The following CPVL variants were observed in gnomAD, a reference collection of about 807,000 sequenced individuals.
The protein encoded by CPVL is carboxypeptidase vitellogenic like.
CPVL carries 51 observed loss-of-function variants against 63.7 expected under a neutral mutation model. The observed-to-expected ratio is 0.80, with a 90% CI of 0.64 to 1.01. CPVL has a LOEUF of 1.01. Among genes scored for constraint, CPVL ranks in the 50% least tolerant of loss-of-function variants. The pLI, the probability that CPVL is intolerant of heterozygous loss-of-function variation, is 0.00. For missense variants in CPVL, 530 were observed against 573.1 expected (o/e 0.92, Z 0.77); for synonymous variants, 195 against 206.0 (o/e 0.95, Z 0.46).
chr7:29,145,538 A>G (rs953356093), intron 1 of CPVL, among the ~76,000 whole-genome samples: 1 of 138,396 alleles, frequency 7.2e-6, no homozygotes, highest in Admixed American at 7.3e-5. Flanking sequence ...CACAGTCATT[A>G]TATGGCCAGA....
intron 1 of CPVL, among the ~76,000 whole-genome samples, chr7:29,143,454 C>T (rs1412612473): frequency 6.6e-6 from 1 of 152,142 alleles, no homozygotes; most frequent in African/African-American, 2.4e-5. Flanking sequence ...CATAATCAAA[C>T]ACTGGGAAAA....
chr7:29,001,788 CTT>C (rs1562716837), intron 12 of CPVL, among the ~76,000 whole-genome samples: 1 of 152,218 alleles, frequency 6.6e-6, no homozygotes, highest in Non-Finnish European at 1.5e-5. Context: ...GCAGTTAAAA[CTT>C]TTGGTGCTCC....
At chr7:29,099,164 T>C (rs1786790318) in intron 3 of CPVL, among the ~76,000 whole-genome samples, 1 of 152,236 alleles carries the variant, frequency 6.6e-6, no homozygotes, top group South Asian at 2.1e-4. Flanking sequence ...TGAATTCCTT[T>C]TCATAAACCT....
chr7:29,112,664 C>T (rs1169095015), intron 3 of CPVL, 40 bp downstream of exon 3: 3 of 1,350,312 alleles, frequency 2.2e-6, no homozygotes, highest in African/African-American at 1.4e-5. Flanking sequence ...AACGGCAAGC[C>T]AGGTCTTGAA....
intron 1 of CPVL, among the ~76,000 whole-genome samples, chr7:29,189,892 A>G (rs1418737626): frequency 6.6e-6 from 1 of 152,182 alleles, no homozygotes; most frequent in African/African-American, 2.4e-5. Flanking sequence ...GTGTGCCGCC[A>G]CTAGGGGTCC....
intron 12 of CPVL, among the ~76,000 whole-genome samples, chr7:29,002,219 A>C (rs1389051215): frequency 5.4e-4 from 82 of 152,186 alleles, no homozygotes; most frequent in Non-Finnish European, 2.9e-5. Context: ...CAACAACAAA[A>C]AATTGGAGTT....
At chr7:29,187,230 A>T (rs978898366) in intron 1 of CPVL, among the ~76,000 whole-genome samples, 1 of 152,164 alleles carries the variant, frequency 6.6e-6, no homozygotes, top group African/African-American at 2.4e-5. Context: ...TAATCTGTCT[A>T]TACTTTTATT....
chr7:29,003,846 C>T (rs1010709126), intron 12 of CPVL, among the ~76,000 whole-genome samples: 13 of 152,194 alleles, frequency 8.5e-5, no homozygotes, highest in Admixed American at 3.3e-4. Flanking sequence ...CCCTCACATG[C>T]GCAGTTCACA....
chr7:29,129,735 G>A (rs1346366479), intron 1 of CPVL, among the ~76,000 whole-genome samples: 1 of 152,086 alleles, frequency 6.6e-6, no homozygotes, highest in African/African-American at 2.4e-5. Context: ...CCAAAGTGCT[G>A]GGATTACAGG....
At chr7:29,065,170 T>C (rs755194628) in intron 10 of CPVL, among the ~76,000 whole-genome samples, 4 of 152,116 alleles carry the variant, frequency 2.6e-5, no homozygotes, top group Non-Finnish European at 2.9e-5. Flanking sequence ...AAAGTTTGAG[T>C]TTGACAACTT....
At chr7:29,055,469 T>A (rs1036603698) in intron 11 of CPVL, among the ~76,000 whole-genome samples, 3 of 147,488 alleles carry the variant, frequency 2.0e-5, no homozygotes, top group Admixed American at 6.7e-5. Context: ...CAGGCTGGTC[T>A]TGAACTCCTG....
intron 3 of CPVL, among the ~76,000 whole-genome samples, chr7:29,099,441 G>A (rs1215029925): frequency 6.6e-6 from 1 of 152,192 alleles, no homozygotes; most frequent in East Asian, 1.9e-4. Flanking sequence ...GCTGGGTATG[G>A]TGGCGCATGC....
intron 1 of CPVL, among the ~76,000 whole-genome samples, chr7:29,143,659 A>G (rs1792141937): frequency 6.7e-6 from 1 of 149,100 alleles, no homozygotes; most frequent in South Asian, 2.1e-4. Context: ...TTGGCCTGTA[A>G]ACAATTCTAA....
At chr7:29,148,982 C>T (rs934937847), upstream of CPVL, among the ~76,000 whole-genome samples, 3 of 152,114 alleles carry the variant, frequency 2.0e-5, no homozygotes, top group African/African-American at 7.2e-5. Flanking sequence ...GGTGGCAGCA[C>T]AGGCAATGAG....
chr7:29,007,110 G>C (rs1785271420), intron 12 of CPVL, among the ~76,000 whole-genome samples: 1 of 152,134 alleles, frequency 6.6e-6, no homozygotes, highest in East Asian at 1.9e-4. Flanking sequence ...TTAATGAAAT[G>C]GCTCTCTGTT....
intron 5 of CPVL, among the ~76,000 whole-genome samples, chr7:29,174,182 C>T (rs1796968857): frequency 6.6e-6 from 1 of 152,066 alleles, no homozygotes; most frequent in Non-Finnish European, 1.5e-5. Flanking sequence ...TGCCCCCACA[C>T]CTTGATGCTC....
chr7:29,183,235 C>G (rs1275151623), intron 4 of CPVL, among the ~76,000 whole-genome samples: 1 of 152,040 alleles, frequency 6.6e-6, no homozygotes, highest in East Asian at 1.9e-4. Context: ...CAGGCATATG[C>G]CAACATGACT....
chr7:29,047,091 C>T (rs1392577474), intron 11 of CPVL, among the ~76,000 whole-genome samples: 1 of 152,104 alleles, frequency 6.6e-6, no homozygotes, highest in African/African-American at 2.4e-5. Flanking sequence ...CTTTTCCTTC[C>T]CTTCCTTCTT....
chr7:29,014,153 T>A (rs1425682111), intron 12 of CPVL, among the ~76,000 whole-genome samples: 1 of 152,190 alleles, frequency 6.6e-6, no homozygotes, highest in Non-Finnish European at 1.5e-5. Flanking sequence ...TACTGTGTTC[T>A]GGTTTTCTGC....
Sources: gnomAD v4.1 joint callset for allele counts (sites outside exome capture counted in the v4.1 genomes callset) on GRCh38, gnomAD v4.1.1 for gene constraint, MANE v1.5 for transcripts, NCBI Gene and HGNC (gene_info 2026-07-23, HGNC 2026-07-21) for gene names.